Variants in CDON observed in about 807,000 individuals in gnomAD.
CDON encodes the protein cell adhesion associated, oncogene regulated, also known as cell adhesion molecule-related/down-regulated by oncogenes.
In CDON, 73 loss-of-function variants were observed where a neutral mutation model predicts 120.9. The observed-to-expected ratio is 0.60, with a 90% CI of 0.50 to 0.73. The LOEUF (loss-of-function observed/expected upper bound fraction) is 0.73. Among genes scored for constraint, CDON ranks in the 30% least tolerant of loss-of-function variants. The probability of loss-of-function intolerance (pLI) is 0.00; values close to 1 mark genes in which losing one functional copy is unlikely to be tolerated. For synonymous variants in CDON, 566 were observed against 573.5 expected, an observed-to-expected ratio of 0.99 and a Z score of 0.19; for missense variants, 1,470 against 1,587.3, an observed-to-expected ratio of 0.93 and a Z score of 1.26.
intron 15 of CDON, among the ~76,000 whole-genome samples, chr11:125,985,265 C>T (rs1946428763): frequency 6.6e-6 from 1 of 152,184 alleles, no homozygotes; most frequent in Admixed American, 6.5e-5. Flanking sequence ...GCCCCGTCTC[C>T]CAGGTTCCAG....
chr11:126,016,836 G>A (rs956378977), intron 6 of CDON, among the ~76,000 whole-genome samples: 6 of 152,046 alleles, frequency 3.9e-5, no homozygotes, highest in Admixed American at 2.6e-4. Flanking sequence ...ATGAAGAAGG[G>A]AGAATAATTT....
chr11:126,016,494 G>A (rs1271450214), intron 6 of CDON, among the ~76,000 whole-genome samples: 5 of 152,210 alleles, frequency 3.3e-5, no homozygotes, highest in East Asian at 3.9e-4. Flanking sequence ...GTGCGGTGGC[G>A]TGATCTCAGC....
intron 16 of CDON, among the ~76,000 whole-genome samples, chr11:125,982,989 T>A (rs7131418): frequency 0.044 from 6,632 of 152,248 alleles, 238 homozygotes; most frequent in Admixed American, 0.11. Context: ...CCCCTATCTC[T>A]TGGAAGGCAT....
At chr11:125,987,757 C>G (rs185498132) in intron 15 of CDON, among the ~76,000 whole-genome samples, 1 of 152,120 alleles carries the variant, frequency 6.6e-6, no homozygotes, top group Non-Finnish European at 1.5e-5. Flanking sequence ...TAACTTTACT[C>G]CAAGTATCCC....
intron 14 of CDON, among the ~76,000 whole-genome samples, chr11:125,992,323 C>T (rs951313146): frequency 6.6e-6 from 1 of 152,062 alleles, no homozygotes; most frequent in African/African-American, 2.4e-5. Context: ...TTTGCACCAA[C>T]CTAAATATTA....
rs1210374621 is a variant in CDON at position 126,062,669 on chromosome 11, C to CGGCGGCTACGGT, written c.-164_-153dup. ...AGGTCATCCCCCCGCGCGCGCGCGG[C>CGGCGGCTACGGT]GGCGGCTACGGTGGCGGCGGCTGCG... On this transcript the variant is annotated 5_prime_UTR_variant, in exon 1 of 20. Transcript: ENST00000531738. 2.6e-5 allele frequency: 4 copies of CGGCGGCTACGGT among 154,010 alleles called. No homozygotes were observed. Among genetic ancestry groups the CGGCGGCTACGGT allele is most frequent in the Admixed American group, 2.0e-4 (3 of 15,264 alleles). 9.5% of individuals were successfully genotyped at this position (154,010 alleles called of 1,614,324 possible).
intron 1 of CDON, among the ~76,000 whole-genome samples, chr11:126,037,576 T>C (rs920476918): frequency 6.6e-6 from 1 of 152,180 alleles, no homozygotes; most frequent in African/African-American, 2.4e-5. Flanking sequence ...ACAGAGACCT[T>C]GACCTCATTT....
chr11:125,974,924 G>A (rs4937082), intron 18 of CDON, among the ~76,000 whole-genome samples: 57,586 of 151,614 alleles, frequency 0.38, 11,053 homozygotes, highest in Admixed American at 0.43. Flanking sequence ...CTAGATCCCT[G>A]TCAGTCAATG....
rs58219588 is a variant in CDON at position 126,046,379 on chromosome 11, A to T, written c.-62+16200T>A. 8.9e-3 allele frequency among the ~76,000 whole-genome samples: 1,362 copies of T among 152,302 alleles called. 23 individuals carry two copies. Among genetic ancestry groups the T allele is most frequent in the African/African-American group, 0.031 (1,286 of 41,564 alleles). On this transcript the variant is annotated intron_variant, in intron 1 of 19. Transcript: ENST00000531738. ...TGGTACAATGTTTTCTCCTGCATACATGTTCAATATCGCTACAAAAATTAC... is the reference window on the plus strand; with the variant it reads ...TGGTACAATGTTTTCTCCTGCATACTTGTTCAATATCGCTACAAAAATTAC...
At position 126,021,518 on chromosome 11, in the gene CDON, A is replaced by T; in HGVS notation, c.79T>A (p.Leu27Met). The change falls in exon 3 of 20, where the codon TTG (leucine) becomes ATG (methionine). Residue 27 changes from leucine to methionine, a missense_variant and splice_region_variant. By Grantham distance (15) the Leu-to-Met change is conservative. Transcript: ENST00000531738. ...TILCSSVSSD[L>M]APYFTSEPLS... ...GGCTCAGAAGTAAAATAAGGTGCCAAGTCTACAAGGGAATATTCCCCATAT... is the reference window on the plus strand; with the variant it reads ...GGCTCAGAAGTAAAATAAGGTGCCATGTCTACAAGGGAATATTCCCCATAT... 6.2e-7 allele frequency: 1 copy of T among 1,613,854 alleles called. No individual in the cohort carries two copies. The highest frequency in any genetic ancestry group is 8.5e-7 in the Non-Finnish European group (1 of 1,179,844).
At chr11:126,054,396 G>T (rs992659600) in intron 1 of CDON, among the ~76,000 whole-genome samples, 4 of 152,168 alleles carry the variant, frequency 2.6e-5, no homozygotes, top group Admixed American at 1.3e-4. Flanking sequence ...ATTTGACAAG[G>T]ATTCCAGTCA....
chr11:126,031,366 A>G (rs1357484301), intron 1 of CDON, among the ~76,000 whole-genome samples: 2 of 152,244 alleles, frequency 1.3e-5, no homozygotes, highest in East Asian at 3.8e-4. Context: ...CTTTTTTTAA[A>G]ATACAGCTTC....
intron 8 of CDON, among the ~76,000 whole-genome samples, chr11:126,008,978 G>A (rs1947210626): frequency 6.6e-6 from 1 of 152,134 alleles, no homozygotes. Context: ...ACCATTCTAA[G>A]CACTTACTAC....
intron 11 of CDON, among the ~76,000 whole-genome samples, chr11:125,999,483 G>C (rs116140670): frequency 0.028 from 4,298 of 152,282 alleles, 76 homozygotes; most frequent in Middle Eastern, 0.058. Flanking sequence ...CTGTAAAACA[G>C]ATGTGGAAAT....
chr11:126,040,098 T>C (rs1311790953), intron 1 of CDON, among the ~76,000 whole-genome samples: 2 of 151,978 alleles, frequency 1.3e-5, no homozygotes, highest in South Asian at 2.1e-4. Flanking sequence ...AATAAATAAA[T>C]AAATAAGTAA....
intron 15 of CDON, among the ~76,000 whole-genome samples, chr11:125,987,602 C>T (rs569026711): frequency 7.0e-4 from 106 of 152,286 alleles, no homozygotes; most frequent in South Asian, 4.8e-3. Context: ...TTTTCATTCC[C>T]TACTGATGTC....
chr11:126,016,271 A>G (rs1035443168), intron 6 of CDON, among the ~76,000 whole-genome samples: 5 of 152,354 alleles, frequency 3.3e-5, no homozygotes, highest in Non-Finnish European at 5.9e-5. Flanking sequence ...TTCTGCAGCT[A>G]CACATGATAG....
chr11:125,992,370 G>T (rs1174963108), intron 14 of CDON, among the ~76,000 whole-genome samples: 1 of 152,054 alleles, frequency 6.6e-6, no homozygotes. Context: ...CTTTTTACTG[G>T]CATAAAGTAT....
Position 126,010,691 on chromosome 11 carries a change from C to A in CDON, c.1202G>T (p.Gly401Val), listed in dbSNP as rs1314016998. ...CGTAATTATAACTGGCTTGAATCCACCGTCTATTAAAAAAGTAATTCACAT... is the reference window on the plus strand; with the variant it reads ...CGTAATTATAACTGGCTTGAATCCAACGTCTATTAAAAAAGTAATTCACAT... Reference protein sequence around the residue: ...STGRLEIENDGGFKPVIITAP... With the variant: ...STGRLEIENDVGFKPVIITAP... Residue 401 changes from glycine to valine, a missense_variant, in exon 8 of 20, where the codon GGT (glycine) becomes GTT (valine). Gly to Val is a moderately radical substitution (Grantham distance 109). Transcript: ENST00000531738. 6 of 1,613,178 alleles carry A rather than the reference C, an allele frequency of 3.7e-6. No individual in the cohort carries two copies. Among genetic ancestry groups the A allele is most frequent in the Non-Finnish European group, 5.1e-6 (6 of 1,179,268 alleles).
Sources: gnomAD v4.1 joint callset for allele counts (sites outside exome capture counted in the v4.1 genomes callset) on GRCh38, gnomAD v4.1.1 for gene constraint, MANE v1.5 for transcripts, NCBI Gene and HGNC (gene_info 2026-07-23, HGNC 2026-07-21) for gene names.